The following KCNQ5 variants were observed in gnomAD, a reference collection of about 807,000 sequenced individuals.
The protein encoded by KCNQ5 is potassium voltage-gated channel subfamily Q member 5.
A neutral mutation model predicts 98.2 loss-of-function variants in KCNQ5; 30 were observed. That is an observed-to-expected ratio of 0.31 (90% CI 0.23 to 0.41). The LOEUF is 0.41. KCNQ5 is among the 10% of genes least tolerant of loss of function. The pLI is 1.00. For synonymous variants in KCNQ5, 458 were observed against 449.4 expected, an observed-to-expected ratio of 1.02 and a Z score of -0.24; for missense variants, 835 against 1,182.5, an observed-to-expected ratio of 0.71 and a Z score of 4.31.
intron 1 of KCNQ5, among the ~76,000 whole-genome samples, chr6:72,715,122 G>A (rs1769580232): frequency 6.6e-6 from 1 of 152,132 alleles, no homozygotes; most frequent in African/African-American, 2.4e-5. Context: ...TTATAAAGAA[G>A]TGCATGCAAA....
At chr6:73,107,114 C>T (rs907932621) in intron 6 of KCNQ5, among the ~76,000 whole-genome samples, 1 of 152,094 alleles carries the variant, frequency 6.6e-6, no homozygotes, top group Admixed American at 6.6e-5. Flanking sequence ...GGGTTTTTTC[C>T]CAAAATAATG....
chr6:72,631,715 C>G (rs2098920880), intron 1 of KCNQ5, among the ~76,000 whole-genome samples: 1 of 152,080 alleles, frequency 6.6e-6, no homozygotes, highest in Non-Finnish European at 1.5e-5. Context: ...CATATTTAGG[C>G]CATATGTTCA....
chr6:72,869,762 T>A (rs1302059509), intron 1 of KCNQ5, among the ~76,000 whole-genome samples: 2 of 152,208 alleles, frequency 1.3e-5, no homozygotes, highest in Non-Finnish European at 2.9e-5. Flanking sequence ...TTCACTCCTA[T>A]GCCTTCCTTC....
chr6:72,730,266 T>C (rs918943170), intron 1 of KCNQ5, among the ~76,000 whole-genome samples: 4 of 152,210 alleles, frequency 2.6e-5, no homozygotes, highest in Admixed American at 1.3e-4. Flanking sequence ...TTGTAAATAT[T>C]TTTTGTATTA....
intron 11 of KCNQ5, among the ~76,000 whole-genome samples, chr6:73,183,750 GA>G (rs1778479647): frequency 1.3e-5 from 2 of 152,170 alleles, no homozygotes; most frequent in Non-Finnish European, 2.9e-5. Context: ...GGATTGGGTG[GA>G]AAGAGGGAGG....
chr6:72,667,650 G>A (rs12214895), intron 1 of KCNQ5, among the ~76,000 whole-genome samples: 18,487 of 152,032 alleles, frequency 0.12, 1,262 homozygotes, highest in South Asian at 0.19. Context: ...TTGATGATTC[G>A]GTTAATGTCA....
intron 1 of KCNQ5, among the ~76,000 whole-genome samples, chr6:72,838,843 G>T (rs1346737806): frequency 2.7e-5 from 4 of 149,772 alleles, no homozygotes; most frequent in Admixed American, 6.6e-5. Context: ...CCAGCTACTC[G>T]GGAGGCTGAG....
chr6:72,858,808 T>G (rs1251943342), intron 1 of KCNQ5, among the ~76,000 whole-genome samples: 1 of 152,116 alleles, frequency 6.6e-6, no homozygotes, highest in Non-Finnish European at 1.5e-5. Context: ...TTTCATAAAA[T>G]TATGCACACA....
In KCNQ5 at chr6:73,098,352, C is replaced by A. The variant is rs528670339; in HGVS notation, c.919-6905C>A. Among the ~76,000 whole-genome samples, 9 of 152,124 alleles carry A rather than the reference C, an allele frequency of 5.9e-5. No homozygotes were observed. In the South Asian group the frequency reaches 1.9e-3, roughly 32 times the overall value. On this transcript the variant is annotated intron_variant, in intron 5 of 13. Transcript: ENST00000370398. The stretch of plus-strand genomic sequence containing the variant: ...TAGGGAGAGAGAGAGAAAGTTTATT[C>A]AAAGGGATAATAACAGAACTTCCCA...
chr6:72,747,304 A>C (rs1010509306), intron 1 of KCNQ5, among the ~76,000 whole-genome samples: 2 of 152,152 alleles, frequency 1.3e-5, no homozygotes, highest in African/African-American at 2.4e-5. Context: ...TACCTTATTT[A>C]ATGCATTAAT....
intron 1 of KCNQ5, among the ~76,000 whole-genome samples, chr6:73,002,176 A>T (rs1009344054): frequency 1.3e-5 from 2 of 152,196 alleles, no homozygotes; most frequent in Non-Finnish European, 2.9e-5. Context: ...AATCATTAAC[A>T]TCGTGTACTA....
At chr6:72,887,105 T>C (rs1244388776) in intron 1 of KCNQ5, among the ~76,000 whole-genome samples, 1 of 152,176 alleles carries the variant, frequency 6.6e-6, no homozygotes, top group Non-Finnish European at 1.5e-5. Context: ...AATAAAAATG[T>C]TCTAAGAAAG....
chr6:73,180,481 A>G (rs1218376044), intron 11 of KCNQ5, among the ~76,000 whole-genome samples: 1 of 152,196 alleles, frequency 6.6e-6, no homozygotes, highest in Non-Finnish European at 1.5e-5. Flanking sequence ...AAGGCACACT[A>G]ATGCCATGTC....
At chr6:72,825,723 T>A (rs1423638519) in intron 1 of KCNQ5, among the ~76,000 whole-genome samples, 1 of 152,176 alleles carries the variant, frequency 6.6e-6, no homozygotes, top group African/African-American at 2.4e-5. Flanking sequence ...CTCAGCCCAT[T>A]CTTTAGCCAC....
chr6:72,811,378 G>A (rs1298206803), intron 1 of KCNQ5, among the ~76,000 whole-genome samples: 1 of 152,274 alleles, frequency 6.6e-6, no homozygotes, highest in Non-Finnish European at 1.5e-5. Context: ...AGTAAATTAT[G>A]AAGGTTCATT....
At chr6:72,833,466 C>T (rs965409322) in intron 1 of KCNQ5, among the ~76,000 whole-genome samples, 1 of 152,136 alleles carries the variant, frequency 6.6e-6, no homozygotes, top group African/African-American at 2.4e-5. Context: ...CACGGATATA[C>T]TGATTTCTTC....
At chr6:72,799,406 G>A (rs987435735) in intron 1 of KCNQ5, among the ~76,000 whole-genome samples, 2 of 152,202 alleles carry the variant, frequency 1.3e-5, no homozygotes, top group Middle Eastern at 3.4e-3. Flanking sequence ...TGATTACTGG[G>A]TACTACCATT....
chr6:73,063,236 C>A (rs1325014383), intron 3 of KCNQ5, among the ~76,000 whole-genome samples: 2 of 152,034 alleles, frequency 1.3e-5, no homozygotes, highest in Non-Finnish European at 2.9e-5. Context: ...AAGCTCATGA[C>A]AGTAGGAAAG....
intron 1 of KCNQ5, among the ~76,000 whole-genome samples, chr6:72,757,806 T>C (rs1239861437): frequency 2.0e-5 from 3 of 152,178 alleles, no homozygotes; most frequent in African/African-American, 7.2e-5. Flanking sequence ...GGGAAAATAG[T>C]ACTGGATTTA....
Sources: allele counts gnomAD v4.1 joint callset (sites outside exome capture counted in the v4.1 genomes callset), GRCh38; gene constraint gnomAD v4.1.1; transcripts MANE v1.5; gene names NCBI Gene and HGNC (gene_info 2026-07-23, HGNC 2026-07-21).